PCDH15: variants seen among roughly 807,000 people sequenced by gnomAD.
PCDH15 encodes the protein protocadherin related 15.
Under a neutral mutation model 178.5 loss-of-function variants are expected in PCDH15, and 129 were observed. The ratio of observed to expected loss-of-function variants is 0.72; its 90% CI spans 0.63 to 0.84. The LOEUF (loss-of-function observed/expected upper bound fraction) is 0.84. Among genes scored for constraint, PCDH15 ranks in the 40% least tolerant of loss-of-function variants. The pLI is 0.00. For missense variants in PCDH15, 2,230 were observed against 2,099.9 expected (o/e 1.06, Z -1.21); for synonymous variants, 800 against 732.0 (o/e 1.09, Z -1.50).
chr10:53,828,074 C>T (rs1045214364), intron 31 of PCDH15, among the ~76,000 whole-genome samples: 1 of 151,802 alleles, frequency 6.6e-6, no homozygotes, highest in Non-Finnish European at 1.5e-5. Flanking sequence ...GGCACGGTGG[C>T]TCATGCCTGT....
intron 11 of PCDH15, among the ~76,000 whole-genome samples, chr10:54,192,767 AAT>A (rs370366272): frequency 2.0e-5 from 3 of 152,280 alleles, no homozygotes; most frequent in African/African-American, 7.2e-5. Flanking sequence ...GAGTCTAAGT[AAT>A]AAACAAATGA....
intron 1 of PCDH15, among the ~76,000 whole-genome samples, chr10:54,767,566 CA>C (rs1948656842): frequency 6.6e-6 from 1 of 152,102 alleles, no homozygotes; most frequent in South Asian, 2.1e-4. Flanking sequence ...AGTGACATCA[CA>C]GTTGAGAAAT....
At chr10:55,341,792 TATATATATATA>T (rs1453611647) in intron 2 of PCDH15, among the ~76,000 whole-genome samples, 9 of 12,848 alleles carry the variant, frequency 7.0e-4, no homozygotes, top group East Asian at 5.0e-3. Context: ...TATATATATA[TATATATATATA>T]TATTTTTTTT....
intron 9 of PCDH15, among the ~76,000 whole-genome samples, chr10:54,214,451 A>G (rs1400054369): frequency 6.6e-6 from 1 of 152,228 alleles, no homozygotes; most frequent in Non-Finnish European, 1.5e-5. Flanking sequence ...TTTGTACCAA[A>G]TAGTGAGATG....
chr10:54,557,125 G>T (rs1023681051), intron 2 of PCDH15, among the ~76,000 whole-genome samples: 3 of 151,956 alleles, frequency 2.0e-5, no homozygotes, highest in Non-Finnish European at 4.4e-5. Flanking sequence ...CAGACTAGTG[G>T]GTAATTACAG....
In PCDH15 at chr10:54,952,106, C is replaced by T. The variant is rs75779815; in HGVS notation, c.-79-54606G>A. Among the ~76,000 whole-genome samples the T allele has an allele frequency of 6.3e-3, 962 of 151,838 alleles. 11 individuals are homozygous for T. Among genetic ancestry groups the T allele is most frequent in the African/African-American group, 0.022 (911 of 41,458 alleles). ...CATGCATTTGTTGTGCCTAAAAAGC[C>T]ATTGTAAAACCCATGGTCATCTGGG... On this transcript the variant is annotated intron_variant, in intron 2 of 5. Transcript: ENST00000458638.
chr10:54,594,889 G>A (rs1020399630), intron 2 of PCDH15, among the ~76,000 whole-genome samples: 1 of 152,152 alleles, frequency 6.6e-6, no homozygotes, highest in African/African-American at 2.4e-5. Context: ...ATGAAACTAA[G>A]CACAGAAAAC....
intron 2 of PCDH15, among the ~76,000 whole-genome samples, chr10:54,648,544 A>G (rs1429103850): frequency 6.6e-6 from 1 of 152,140 alleles, no homozygotes; most frequent in Non-Finnish European, 1.5e-5. Context: ...TTTTGTATAA[A>G]GCTATGTAAT....
At chr10:54,722,337 A>T (rs934197487) in intron 1 of PCDH15, among the ~76,000 whole-genome samples, 2 of 151,630 alleles carry the variant, frequency 1.3e-5, no homozygotes, top group African/African-American at 4.8e-5. Flanking sequence ...TTCTTATTCA[A>T]CATAGTAGTG....
intron 8 of PCDH15, among the ~76,000 whole-genome samples, chr10:54,266,296 G>A (rs1409314006): frequency 6.6e-6 from 1 of 151,686 alleles, no homozygotes; most frequent in Admixed American, 6.6e-5. Context: ...AAACCTCTGG[G>A]ATGCAACGAT....
chr10:54,116,330 C>A (rs187792392), intron 15 of PCDH15, among the ~76,000 whole-genome samples: 1 of 150,920 alleles, frequency 6.6e-6, no homozygotes, highest in Non-Finnish European at 1.5e-5. Flanking sequence ...AGGAGAATAA[C>A]CACAACTTTC....
chr10:55,362,286 A>G lies in PCDH15; in HGVS notation c.-155-195635T>C, dbSNP rs1264605436. ...CTTTTTTATTTTGCAGAATTTCATT[A>G]TTTTATTTAGGAATTCATTACAGAA... is the stretch of plus-strand genomic sequence containing the variant. On this transcript the variant is annotated intron_variant, in intron 2 of 5. Transcript: ENST00000613346. 3.3e-5 allele frequency among the ~76,000 whole-genome samples: 5 copies of G among 152,108 alleles called. No individual in the cohort carries two copies. The East Asian group carries it at 9.7e-4, about 29-fold the overall frequency.
At chr10:54,962,223 C>A (rs907082737) in intron 2 of PCDH15, among the ~76,000 whole-genome samples, 3 of 152,166 alleles carry the variant, frequency 2.0e-5, no homozygotes, top group African/African-American at 7.2e-5. Context: ...TTCTGGGAGC[C>A]CAGACCTTGG....
At chr10:54,893,166 C>A (rs1954490697) in intron 3 of PCDH15, among the ~76,000 whole-genome samples, 1 of 151,832 alleles carries the variant, frequency 6.6e-6, no homozygotes, top group South Asian at 2.1e-4. Context: ...AAATATGTTA[C>A]ATGTGTTCAT....
intron 2 of PCDH15, among the ~76,000 whole-genome samples, chr10:54,943,049 T>C (rs1838102752): frequency 6.6e-6 from 1 of 152,058 alleles, no homozygotes; most frequent in African/African-American, 2.4e-5. Flanking sequence ...TATATTAGTA[T>C]CTTATTGCTG....
At chr10:55,325,887 A>T (rs1282852650) in intron 2 of PCDH15, among the ~76,000 whole-genome samples, 1 of 152,126 alleles carries the variant, frequency 6.6e-6, no homozygotes, top group Non-Finnish European at 1.5e-5. Context: ...ACTTAAGTCG[A>T]CAAGCATAAA....
At chr10:53,966,946 C>T (rs2134374451) in intron 21 of PCDH15, among the ~76,000 whole-genome samples, 1 of 151,944 alleles carries the variant, frequency 6.6e-6, no homozygotes, top group Middle Eastern at 3.4e-3. Context: ...TGTTGTCACC[C>T]AGGCTGATGT....
intron 1 of PCDH15, among the ~76,000 whole-genome samples, chr10:55,295,132 GA>G (rs1434523237): frequency 6.6e-6 from 1 of 152,098 alleles, no homozygotes; most frequent in African/African-American, 2.4e-5. Context: ...TCATTTAAAA[GA>G]AAAATATTGT....
At chr10:55,370,341 C>CA (rs1025523794) in intron 2 of PCDH15, among the ~76,000 whole-genome samples, 53 of 151,830 alleles carry the variant, frequency 3.5e-4, no homozygotes, top group Admixed American at 1.6e-3. Flanking sequence ...CTAAAGACAG[C>CA]AAAAAAAATT....
Sources: allele counts gnomAD v4.1 joint callset (sites outside exome capture counted in the v4.1 genomes callset), GRCh38; gene constraint gnomAD v4.1.1; transcripts MANE v1.5; gene names NCBI Gene and HGNC (gene_info 2026-07-23, HGNC 2026-07-21).